The following DKK3 variants were observed in gnomAD, a reference collection of about 807,000 sequenced individuals.
DKK3 encodes dickkopf Wnt signaling pathway inhibitor 3.
DKK3 carries 22 observed loss-of-function variants against 33.2 expected under a neutral mutation model. That is an observed-to-expected ratio of 0.66 (90% CI 0.47 to 0.95). The LOEUF is 0.95. DKK3 is among the 40% of genes least tolerant of loss of function. The pLI is 0.00. For missense variants in DKK3, 398 were observed against 458.4 expected (o/e 0.87, Z 1.20); for synonymous variants, 194 against 188.8 (o/e 1.03, Z -0.23).
At chr11:11,989,177 G>A (rs1848135993) in intron 3 of DKK3, among the ~76,000 whole-genome samples, 1 of 152,222 alleles carries the variant, frequency 6.6e-6, no homozygotes, top group Non-Finnish European at 1.5e-5. Flanking sequence ...ATGACCTTAT[G>A]ATCTAGCAAT....
intron 3 of DKK3, among the ~76,000 whole-genome samples, chr11:11,973,414 A>G (rs1323586962): frequency 6.6e-6 from 1 of 152,152 alleles, no homozygotes; most frequent in Non-Finnish European, 1.5e-5. Flanking sequence ...GAAGGCAGGA[A>G]CTCACGGTCA....
chr11:11,968,887 A>G, intron 3 of DKK3: 1 of 156,478 alleles, frequency 6.4e-6, no homozygotes, highest in Non-Finnish European at 1.4e-5. Flanking sequence ...GACAGGCCCC[A>G]AGGGCTCTGC....
upstream of DKK3, chr11:12,008,636 C>G: frequency 7.6e-7 from 1 of 1,312,502 alleles, no homozygotes; most frequent in Non-Finnish European, 9.6e-7. This position sits in a 1 kb window ranked among gnomAD's most constrained non-coding sequence, Gnocchi z 4.6. Context: ...CGATCAGAGG[C>G]GCGCGGACCA....
intron 3 of DKK3, among the ~76,000 whole-genome samples, chr11:11,972,973 T>C (rs1242259185): frequency 1.3e-5 from 2 of 152,158 alleles, no homozygotes; most frequent in African/African-American, 4.8e-5. Context: ...GCAGGGGCTC[T>C]GGGCTTGGGG....
chr11:11,966,039 T>C, intron 5 of DKK3, 74 bp from the exon 6 acceptor site: 1 of 1,499,646 alleles, frequency 6.7e-7, no homozygotes, highest in Non-Finnish European at 8.9e-7. Context: ...GGCAAAGAAA[T>C]GGAGCATAAC....
chr11:11,984,655 TAA>T lies in DKK3; in HGVS notation c.435+14039_435+14040del, dbSNP rs11297335. ...TTCAAAGAATTTGCTCAATTTCCTTTAAAAAAAAAAAAAAAAAGAAAAAGTGA... is the reference window on the plus strand; with the variant it reads ...TTCAAAGAATTTGCTCAATTTCCTTTAAAAAAAAAAAAAAAGAAAAAGTGA... On this transcript the variant is annotated intron_variant, in intron 3 of 6. Transcript: ENST00000683431. Among the ~76,000 whole-genome samples, 584 of 139,094 alleles carry T rather than the reference TAA, an allele frequency of 4.2e-3. 4 individuals are homozygous for T. Among genetic ancestry groups the T allele is most frequent in the African/African-American group, 0.012 (465 of 38,090 alleles). 91.3% of individuals were successfully genotyped at this position (139,094 alleles called of 152,430 possible). A position where few individuals can be genotyped will look rare whatever the true frequency, so the allele number is the denominator to read the frequency against.
chr11:11,976,237 C>T (rs1847830570), intron 3 of DKK3, among the ~76,000 whole-genome samples: 2 of 152,198 alleles, frequency 1.3e-5, no homozygotes, highest in South Asian at 4.1e-4. Flanking sequence ...ATCCTAGAGC[C>T]CTCTGCTCTG....
In DKK3 at chr11:11,998,392, C is replaced by G. The variant is rs146149948; in HGVS notation, c.435+304G>C. The stretch of plus-strand genomic sequence containing the variant: ...ACCACCTGATATACCAGGTCTGTCA[C>G]CAAAGTCCCAGTCAACATGTCTGGT... On this transcript the variant is annotated intron_variant, in intron 3 of 6. Transcript: ENST00000683431. 3.6e-5 allele frequency: 17 copies of G among 474,748 alleles called. No individual in the cohort carries two copies. In the East Asian group the frequency reaches 6.6e-4, roughly 18 times the overall value. 29.4% of individuals were successfully genotyped at this position (474,748 alleles called of 1,614,324 possible). A position where few individuals can be genotyped will look rare whatever the true frequency, so the allele number is the denominator to read the frequency against.
chr11:11,987,739 G>A (rs1038597129), intron 3 of DKK3, among the ~76,000 whole-genome samples: 1 of 152,152 alleles, frequency 6.6e-6, no homozygotes, highest in African/African-American at 2.4e-5. Context: ...CTTTATCTTT[G>A]GCATGAGGCC....
chr11:11,993,295 T>C (rs1235096442), intron 3 of DKK3, among the ~76,000 whole-genome samples: 1 of 152,156 alleles, frequency 6.6e-6, no homozygotes, highest in Non-Finnish European at 1.5e-5. Context: ...TTTTTATGCA[T>C]ACTTTTTTCT....
intron 2 of DKK3, 38 bp from the exon 3 acceptor site, chr11:11,998,817 G>T (rs1848357732): frequency 4.5e-6 from 7 of 1,558,930 alleles, no homozygotes; most frequent in Non-Finnish European, 5.3e-6. Flanking sequence ...AAAATAGAAG[G>T]AATTCTGGAC....
Position 11,968,340 on chromosome 11 carries a change from C to A in DKK3, c.528+55G>T, listed in dbSNP as rs547293925. ...AGAACGCTGGGGCCCCTGGCTTTCT[C>A]CCCCAGGTGCCTGAGACCCTGGTGC... is the stretch of plus-strand genomic sequence containing the variant. On this transcript the variant is annotated intron_variant, in intron 4 of 6. Transcript: ENST00000683431. 104 of 1,530,538 alleles carry A rather than the reference C, an allele frequency of 6.8e-5. No homozygotes were observed. The African/African-American group carries it at 1.3e-3, about 19-fold the overall frequency. The allele number at this position is 1,530,538 out of a possible 1,614,324, so 94.8% of individuals were successfully genotyped here. A position where few individuals can be genotyped will look rare whatever the true frequency, so the allele number is the denominator to read the frequency against.
At chr11:11,972,645 G>A (rs1175444229) in intron 3 of DKK3, among the ~76,000 whole-genome samples, 1 of 152,204 alleles carries the variant, frequency 6.6e-6, no homozygotes, top group Non-Finnish European at 1.5e-5. Flanking sequence ...TAGTAGAACT[G>A]AGTGGGTGGG....
At chr11:12,008,687 G>A (rs1024679004), upstream of DKK3, 1 of 605,428 alleles carries the variant, frequency 1.7e-6, no homozygotes, top group East Asian at 4.6e-5. The surrounding 1 kb of genome is among the most constrained non-coding windows in gnomAD (Gnocchi z 4.6). Context: ...GTTCCGCCCC[G>A]CCGCCCGCCC....
intron 3 of DKK3, among the ~76,000 whole-genome samples, chr11:11,971,447 A>G (rs1466068738): frequency 1.3e-5 from 2 of 152,342 alleles, no homozygotes; most frequent in East Asian, 3.9e-4. Context: ...CTGTGGCTGG[A>G]ACATCATGGG....
intron 3 of DKK3, among the ~76,000 whole-genome samples, chr11:11,997,446 C>T (rs992296408): frequency 1.3e-5 from 2 of 152,170 alleles, no homozygotes; most frequent in Non-Finnish European, 1.5e-5. Flanking sequence ...TCTGTCTCTT[C>T]CCACCTTTGG....
chr11:12,006,735 C>T (rs1025586503), intron 1 of DKK3, among the ~76,000 whole-genome samples: 9 of 152,218 alleles, frequency 5.9e-5, no homozygotes, highest in Admixed American at 5.2e-4. Context: ...ACTGAAGAGG[C>T]CCTTGCTGCT....
At position 12,002,316 on chromosome 11, in the gene DKK3, T is replaced by G; in HGVS notation, c.335A>C (p.His112Pro). 1 of 1,613,878 alleles carries G rather than the reference T, an allele frequency of 6.2e-7. No homozygotes were observed. The highest frequency in any genetic ancestry group is 1.3e-5 in the African/African-American group (1 of 75,060). The change falls in exon 2 of 7, where the codon CAC becomes CCC. Residue 112 changes from histidine to proline, a missense_variant. Coordinates refer to ENST00000683431, the MANE Select transcript of DKK3 (RefSeq NM_001018057.2). ...ATGACTTACCTTGTGAATTTCTCGG[T>G]GCACATGGATGGTATTATTTCCAAC... ...TKVGNNTIHV[H>P]REIHKITNNQ...
intron 3 of DKK3, among the ~76,000 whole-genome samples, chr11:11,974,372 G>A (rs1847788949): frequency 6.6e-6 from 1 of 152,204 alleles, no homozygotes; most frequent in Non-Finnish European, 1.5e-5. Context: ...CAGAATACCT[G>A]AGACTGGGTA....
Sources: gnomAD v4.1 joint callset for allele counts (sites outside exome capture counted in the v4.1 genomes callset) on GRCh38, gnomAD v4.1.1 for gene constraint, Gnocchi (gnomAD v3.1) non-coding constraint, MANE v1.5 for transcripts, NCBI Gene and HGNC (gene_info 2026-07-23, HGNC 2026-07-21) for gene names.